The following OR2L13 variants were observed in gnomAD, a reference collection of about 807,000 sequenced individuals.
OR2L13 encodes the protein olfactory receptor family 2 subfamily L member 13, also known as olfactory receptor 2L13.
A neutral mutation model predicts 15.3 loss-of-function variants in OR2L13; 14 were observed. The observed-to-expected ratio is 0.91, with a 90% CI of 0.60 to 1.43. The LOEUF (loss-of-function observed/expected upper bound fraction) is 1.43, where lower values mean the gene tolerates loss of function less well. Among genes scored for constraint, OR2L13 ranks in the 40% most tolerant of loss-of-function variants. The pLI, the probability that OR2L13 is intolerant of heterozygous loss-of-function variation, is 0.00. For synonymous variants in OR2L13, 152 were observed against 142.9 expected, an observed-to-expected ratio of 1.06 and a Z score of -0.45; for missense variants, 367 against 387.9, an observed-to-expected ratio of 0.95 and a Z score of 0.45.
chr1:248,095,859 C>A (rs1664726958), upstream of OR2L13, among the ~76,000 whole-genome samples: 1 of 150,954 alleles, frequency 6.6e-6, no homozygotes, highest in Non-Finnish European at 1.5e-5. Flanking sequence ...CCCGCCTTGG[C>A]CTCCCAAAGT....
chr1:247,972,500 A>T, the OR2L13 span, among the ~76,000 whole-genome samples: 2 of 152,202 alleles, frequency 1.3e-5, no homozygotes, highest in South Asian at 4.1e-4. Context: ...TATGCAAATA[A>T]ACTAGAAAAC....
the OR2L13 span, among the ~76,000 whole-genome samples, chr1:248,013,500 C>T: frequency 6.6e-6 from 1 of 152,180 alleles, no homozygotes; most frequent in East Asian, 1.9e-4. Context: ...CAGTGAATAC[C>T]AGCAAAACAA....
chr1:248,082,053 T>C, the OR2L13 span, among the ~76,000 whole-genome samples: 1 of 151,672 alleles, frequency 6.6e-6, no homozygotes, highest in East Asian at 2.0e-4. Flanking sequence ...GTATGTTTAT[T>C]GCGGCATTAT....
the OR2L13 span, among the ~76,000 whole-genome samples, chr1:248,028,303 G>A: frequency 1.1e-3 from 167 of 152,106 alleles, 7 homozygotes; most frequent in East Asian, 0.029. Context: ...ACCACTCCAT[G>A]GGCAATGGAA....
chr1:247,969,257 A>G, the OR2L13 span, among the ~76,000 whole-genome samples: 2 of 150,400 alleles, frequency 1.3e-5, no homozygotes, highest in Admixed American at 6.6e-5. Flanking sequence ...CCTTTGTCAG[A>G]TGGGTAGATT....
At chr1:247,940,155 T>A in the OR2L13 span, among the ~76,000 whole-genome samples, 1 of 152,180 alleles carries the variant, frequency 6.6e-6, no homozygotes, top group East Asian at 1.9e-4. Context: ...CATACTTACA[T>A]ACATTGATTG....
the OR2L13 span, chr1:247,980,817 C>T: frequency 5.9e-5 from 9 of 152,044 alleles, no homozygotes; most frequent in Non-Finnish European, 1.3e-4. Context: ...GAATACATAC[C>T]TTTCTTTAAA....
chr1:248,060,609 T>G, the OR2L13 span: 1 of 1,233,096 alleles, frequency 8.1e-7, no homozygotes, highest in Non-Finnish European at 1.2e-6. Flanking sequence ...ATGCATTCCC[T>G]GCAGATAAAG....
chr1:248,056,874 T>A, the OR2L13 span, among the ~76,000 whole-genome samples: 2 of 152,134 alleles, frequency 1.3e-5, no homozygotes, highest in Non-Finnish European at 2.9e-5. Flanking sequence ...TGTCAGAAAC[T>A]CCTGAGCTCA....
the OR2L13 span, among the ~76,000 whole-genome samples, chr1:247,972,333 C>G: frequency 6.7e-6 from 1 of 148,890 alleles, no homozygotes; most frequent in African/African-American, 2.5e-5. Flanking sequence ...AATCCAGGAG[C>G]TGGTTTTTTG....
chr1:248,013,240 G>C, the OR2L13 span, among the ~76,000 whole-genome samples: 2 of 152,032 alleles, frequency 1.3e-5, no homozygotes, highest in Non-Finnish European at 2.9e-5. Context: ...AATATATACA[G>C]ACACATCCTT....
the OR2L13 span, chr1:247,975,687 C>T: frequency 3.6e-6 from 3 of 844,720 alleles, no homozygotes; most frequent in Non-Finnish European, 5.8e-6. Flanking sequence ...AGAGTCCAAG[C>T]ACTAGCCTCA....
At chr1:248,085,777 A>C in the OR2L13 span, among the ~76,000 whole-genome samples, 2 of 152,088 alleles carry the variant, frequency 1.3e-5, no homozygotes, top group African/African-American at 4.8e-5. Flanking sequence ...GGGAGAGGGG[A>C]TGCTTTTGGG....
At chr1:248,094,558 C>T (rs1399833708), upstream of OR2L13, among the ~76,000 whole-genome samples, 5 of 152,200 alleles carry the variant, frequency 3.3e-5, no homozygotes, top group East Asian at 9.6e-4. Context: ...TAATTAGTGG[C>T]ATAGCTGTCA....
At chr1:247,971,763 G>A in the OR2L13 span, among the ~76,000 whole-genome samples, 2 of 152,270 alleles carry the variant, frequency 1.3e-5, no homozygotes, top group Non-Finnish European at 2.9e-5. Context: ...TCTGGACCAA[G>A]CGGACCGAAT....
the OR2L13 span, chr1:247,965,230 T>C: frequency 1.1e-6 from 1 of 939,154 alleles, no homozygotes; most frequent in Non-Finnish European, 1.5e-6. Flanking sequence ...AGAAAGCACT[T>C]TGTGCTCTAA....
chr1:247,947,587 A>T, the OR2L13 span, among the ~76,000 whole-genome samples: 3 of 152,180 alleles, frequency 2.0e-5, no homozygotes, highest in Non-Finnish European at 4.4e-5. Flanking sequence ...CTTTTGAAGG[A>T]TCCATAAAGC....
chr1:248,007,679 C>G, the OR2L13 span, among the ~76,000 whole-genome samples: 1 of 152,218 alleles, frequency 6.6e-6, no homozygotes, highest in African/African-American at 2.4e-5. Flanking sequence ...AAATGTTATG[C>G]TGTAGTTATT....
At chr1:247,972,736 A>G in the OR2L13 span, among the ~76,000 whole-genome samples, 1 of 152,256 alleles carries the variant, frequency 6.6e-6, no homozygotes, top group African/African-American at 2.4e-5. Flanking sequence ...AAACTATTCC[A>G]AACAATAGAA....
Sources: gnomAD v4.1 joint callset for allele counts (sites outside exome capture counted in the v4.1 genomes callset) on GRCh38, gnomAD v4.1.1 for gene constraint, MANE v1.5 for transcripts, NCBI Gene and HGNC (gene_info 2026-07-23, HGNC 2026-07-21) for gene names.